The following NPAS3 variants were observed in gnomAD, a reference collection of about 807,000 sequenced individuals.
NPAS3 encodes neuronal PAS domain protein 3, also known as neuronal PAS domain-containing protein 3.
Under a neutral mutation model 73.1 loss-of-function variants are expected in NPAS3, and 14 were observed. That is an observed-to-expected ratio of 0.19 (90% CI 0.13 to 0.30). The LOEUF is 0.30. Ranked by LOEUF, NPAS3 falls within the 10% of genes least tolerant of loss-of-function variation. The pLI, the probability that NPAS3 is intolerant of heterozygous loss-of-function variation, is 1.00. For synonymous variants in NPAS3, 620 were observed against 541.5 expected (o/e 1.14, Z -2.01); for missense variants, 1,096 against 1,250.0 (o/e 0.88, Z 1.86).
At chr14:32,983,074 A>G (rs1180833134) in intron 1 of NPAS3, among the ~76,000 whole-genome samples, 1 of 152,228 alleles carries the variant, frequency 6.6e-6, no homozygotes, top group African/African-American at 2.4e-5. Flanking sequence ...CTATTTCAAT[A>G]CTAAAAACTG....
Position 33,259,019 on chromosome 14 carries a change from T to C in NPAS3, c.385+43593T>C, listed in dbSNP as rs140056125. ...TAGTAGAGACGAGGTTTCACCATGT[T>C]AGCCATGATGGTCTCGATCTCCTGA... On this transcript the variant is annotated intron_variant, in intron 3 of 11. Transcript: ENST00000356141. Among the ~76,000 whole-genome samples the C allele has an allele frequency of 7.1e-3, 1,074 of 152,298 alleles. 16 individuals carry two copies. The highest frequency in any genetic ancestry group is 0.024 in the African/African-American group (1,008 of 41,566).
intron 3 of NPAS3, among the ~76,000 whole-genome samples, chr14:33,220,212 C>A (rs559295465): frequency 6.6e-6 from 1 of 152,284 alleles, no homozygotes; most frequent in South Asian, 2.1e-4. Context: ...CTCTTCCTAC[C>A]TCCATCATCC....
chr14:33,521,365 G>A (rs2053546593), intron 4 of NPAS3, among the ~76,000 whole-genome samples: 1 of 152,054 alleles, frequency 6.6e-6, no homozygotes, highest in African/African-American at 2.4e-5. Flanking sequence ...ACAAAGTCCT[G>A]TATTCCCATT....
intron 9 of NPAS3, among the ~76,000 whole-genome samples, chr14:33,784,745 ATTTTTTT>A (rs1226491375): frequency 6.6e-4 from 49 of 73,856 alleles, no homozygotes; most frequent in Middle Eastern, 8.8e-3. Flanking sequence ...TTATTTATTT[ATTTTTTT>A]TTTTTTTTTT....
At chr14:33,372,450 T>C (rs1186722803) in intron 4 of NPAS3, among the ~76,000 whole-genome samples, 4 of 152,174 alleles carry the variant, frequency 2.6e-5, no homozygotes, top group African/African-American at 9.7e-5. Flanking sequence ...ATAAACTTAA[T>C]GGTGATTTTA....
rs571794118 is a variant in NPAS3, at chr14:33,539,301, A to G, written c.469-20820A>G. ...GGTTCAGGGCAGGATTTTTTCAATCACCACTGAAATTGGAGAGATATGAAC... is the reference window on the plus strand; with the variant it reads ...GGTTCAGGGCAGGATTTTTTCAATCGCCACTGAAATTGGAGAGATATGAAC... On this transcript the variant is annotated intron_variant, in intron 4 of 11. Coordinates refer to ENST00000356141, the Ensembl canonical transcript of NPAS3. 7.2e-5 allele frequency among the ~76,000 whole-genome samples: 11 copies of G among 152,194 alleles called. No individual in the cohort carries two copies. In the East Asian group the frequency reaches 2.1e-3, roughly 30 times the overall value.
intron 4 of NPAS3, among the ~76,000 whole-genome samples, chr14:33,511,528 G>T (rs528806541): frequency 3.9e-4 from 60 of 152,176 alleles, no homozygotes; most frequent in African/African-American, 1.3e-3. Flanking sequence ...GGTACATTTG[G>T]TGACATTTTT....
At chr14:33,058,282 A>C (rs2040962821) in intron 2 of NPAS3, among the ~76,000 whole-genome samples, 1 of 152,220 alleles carries the variant, frequency 6.6e-6, no homozygotes, top group Non-Finnish European at 1.5e-5. Context: ...TGATGGAGTC[A>C]GTACAATTTT....
chr14:33,403,645 A>G (rs1335157418), intron 4 of NPAS3, among the ~76,000 whole-genome samples: 1 of 151,962 alleles, frequency 6.6e-6, no homozygotes, highest in Non-Finnish European at 1.5e-5. Context: ...TTATAAATGG[A>G]CAGTGACATC....
At chr14:33,661,441 A>G (rs186503057) in intron 5 of NPAS3, among the ~76,000 whole-genome samples, 1 of 152,304 alleles carries the variant, frequency 6.6e-6, no homozygotes, top group East Asian at 1.9e-4. Flanking sequence ...CAAAAGCTTC[A>G]CAAGAAATCC....
At chr14:32,939,251 C>T (rs1244554191), upstream of NPAS3, 3 of 656,512 alleles carry the variant, frequency 4.6e-6, no homozygotes, top group African/African-American at 3.9e-5. Context: ...CCCCGCCCGC[C>T]CACGCCCCCC....
chr14:32,962,262 C>T (rs553104502), intron 1 of NPAS3, among the ~76,000 whole-genome samples: 4 of 152,184 alleles, frequency 2.6e-5, no homozygotes, highest in African/African-American at 7.2e-5. Context: ...AATTGAAAAA[C>T]GTAAGACTAG....
At chr14:33,284,512 T>G (rs1277065477) in intron 3 of NPAS3, among the ~76,000 whole-genome samples, 1 of 152,148 alleles carries the variant, frequency 6.6e-6, no homozygotes, top group Non-Finnish European at 1.5e-5. Context: ...AAAGCCTCTA[T>G]GTATAGATGC....
chr14:33,430,836 A>G (rs2048754821), intron 4 of NPAS3, among the ~76,000 whole-genome samples: 1 of 152,182 alleles, frequency 6.6e-6, no homozygotes, highest in South Asian at 2.1e-4. Context: ...ACATCACAGC[A>G]GGGGCTCCTG....
At chr14:33,490,844 T>C (rs1217162407) in intron 4 of NPAS3, among the ~76,000 whole-genome samples, 5 of 152,220 alleles carry the variant, frequency 3.3e-5, no homozygotes, top group Non-Finnish European at 7.3e-5. Flanking sequence ...GAGCCTCAGA[T>C]GCCGCTGCCA....
At chr14:33,216,087 T>A (rs2047212421) in intron 3 of NPAS3, among the ~76,000 whole-genome samples, 1 of 152,174 alleles carries the variant, frequency 6.6e-6, no homozygotes, top group Non-Finnish European at 1.5e-5. Context: ...TTTATGGCAT[T>A]TTTGGCATTT....
At chr14:33,645,093 A>AAAAG (rs1336827368) in intron 5 of NPAS3, among the ~76,000 whole-genome samples, 3 of 151,546 alleles carry the variant, frequency 2.0e-5, no homozygotes, top group Admixed American at 2.0e-4. Flanking sequence ...AAAAAAAAAA[A>AAAAG]AAAGAAAGAA....
At chr14:33,395,063 A>C (rs1011461185) in intron 4 of NPAS3, among the ~76,000 whole-genome samples, 2 of 152,192 alleles carry the variant, frequency 1.3e-5, no homozygotes, top group Non-Finnish European at 2.9e-5. Context: ...TAGCAAAAGT[A>C]TGTAATAGGA....
At chr14:33,116,486 A>C (rs544422975) in intron 2 of NPAS3, among the ~76,000 whole-genome samples, 4 of 152,272 alleles carry the variant, frequency 2.6e-5, no homozygotes, top group Admixed American at 1.3e-4. Context: ...GATAGACTGC[A>C]TATGCATTTC....
Sources: allele counts gnomAD v4.1 joint callset (sites outside exome capture counted in the v4.1 genomes callset), GRCh38; gene constraint gnomAD v4.1.1; transcripts MANE v1.5; gene names NCBI Gene and HGNC (gene_info 2026-07-23, HGNC 2026-07-21).